Variants in ZSCAN25 observed in about 807,000 individuals in gnomAD.
ZSCAN25 encodes zinc finger and SCAN domain containing 25.
Under a neutral mutation model 38.7 loss-of-function variants are expected in ZSCAN25, and 27 were observed. The ratio of observed to expected loss-of-function variants is 0.70; its 90% CI spans 0.51 to 0.96. The LOEUF (loss-of-function observed/expected upper bound fraction) is 0.96, where lower values mean the gene tolerates loss of function less well. Ranked by LOEUF, ZSCAN25 falls within the 40% of genes least tolerant of loss-of-function variation. The probability of loss-of-function intolerance (pLI) is 0.00; values close to 1 mark genes in which losing one functional copy is unlikely to be tolerated. For synonymous variants in ZSCAN25, 273 were observed against 277.7 expected, an observed-to-expected ratio of 0.98 and a Z score of 0.17; for missense variants, 637 against 705.9, an observed-to-expected ratio of 0.90 and a Z score of 1.11.
chr7:99,701,710 T>C, the ZSCAN25 span, among the ~76,000 whole-genome samples: 22 of 152,368 alleles, frequency 1.4e-4, no homozygotes, highest in African/African-American at 5.0e-4. Context: ...TTGAGCACAT[T>C]TTCATATAAC....
At chr7:99,635,944 G>T (rs978061208), downstream of ZSCAN25, among the ~76,000 whole-genome samples, 1 of 151,634 alleles carries the variant, frequency 6.6e-6, no homozygotes, top group Non-Finnish European at 1.5e-5. Context: ...CTACTTGGGA[G>T]GCTGAGGCAG....
the ZSCAN25 span, chr7:99,713,321 T>G: frequency 7.9e-7 from 1 of 1,270,150 alleles, no homozygotes; most frequent in South Asian, 1.3e-5. Context: ...AGAAGTTGCC[T>G]CCAGCTACCA....
At chr7:99,720,002 C>A in the ZSCAN25 span, among the ~76,000 whole-genome samples, 1 of 151,482 alleles carries the variant, frequency 6.6e-6, no homozygotes, top group Non-Finnish European at 1.5e-5. Context: ...GTCCGAAAAA[C>A]AAACAACAAA....
the ZSCAN25 span, among the ~76,000 whole-genome samples, chr7:99,641,996 C>G: frequency 1.1e-4 from 17 of 152,192 alleles, no homozygotes; most frequent in Non-Finnish European, 1.9e-4. Flanking sequence ...ATAACAAAGT[C>G]CTTTCATACC....
At chr7:99,648,484 AAAAATGCTTTGCAAGCATAT>A in the ZSCAN25 span, 1 of 1,087,564 alleles carries the variant, frequency 9.2e-7, no homozygotes, top group South Asian at 1.4e-5. Context: ...AAAATATGAC[AAAAATGCTTTGCAAGCATAT>A]AAAAACGACT....
chr7:99,672,712 A>T, the ZSCAN25 span: 1 of 1,612,334 alleles, frequency 6.2e-7, no homozygotes, highest in Admixed American at 1.7e-5. Flanking sequence ...ATTAAACTTC[A>T]CTAGCCCGAT....
the ZSCAN25 span, among the ~76,000 whole-genome samples, chr7:99,710,328 G>C: frequency 6.6e-6 from 1 of 152,200 alleles, no homozygotes; most frequent in Non-Finnish European, 1.5e-5. Flanking sequence ...ATGTGGGGCA[G>C]AGCTGAGTCA....
At chr7:99,639,893 C>T in the ZSCAN25 span, among the ~76,000 whole-genome samples, 1 of 151,626 alleles carries the variant, frequency 6.6e-6, no homozygotes, top group African/African-American at 2.4e-5. Flanking sequence ...TAATGAGACC[C>T]CCATCTCTAC....
chr7:99,703,521 C>A, the ZSCAN25 span, among the ~76,000 whole-genome samples: 2 of 152,134 alleles, frequency 1.3e-5, no homozygotes, highest in Non-Finnish European at 2.9e-5. Context: ...ATCTATATAT[C>A]TATCGTATAT....
the ZSCAN25 span, among the ~76,000 whole-genome samples, chr7:99,653,450 C>CAGAT: frequency 6.9e-6 from 1 of 145,400 alleles, no homozygotes; most frequent in Admixed American, 6.9e-5. This position sits in a 1 kb window ranked among gnomAD's most constrained non-coding sequence, Gnocchi z 4.2. Context: ...GACCCTGTCT[C>CAGAT]AAATAAATAA....
chr7:99,730,972 C>G, the ZSCAN25 span: 2 of 1,533,656 alleles, frequency 1.3e-6, no homozygotes, highest in Non-Finnish European at 1.8e-6. Context: ...CTCAGACCTT[C>G]CTCTTGAGGA....
chr7:99,674,164 A>G, the ZSCAN25 span: 1 of 169,832 alleles, frequency 5.9e-6, no homozygotes, highest in African/African-American at 2.4e-5. Flanking sequence ...TTACACAAAA[A>G]TATTTCTGCA....
chr7:99,681,649 T>G, the ZSCAN25 span, among the ~76,000 whole-genome samples: 1 of 152,252 alleles, frequency 6.6e-6, no homozygotes, highest in Non-Finnish European at 1.5e-5. Context: ...ATTTTTTGAT[T>G]GGATTATTAG....
At chr7:99,661,943 G>A in the ZSCAN25 span, among the ~76,000 whole-genome samples, 2 of 152,218 alleles carry the variant, frequency 1.3e-5, no homozygotes, top group African/African-American at 4.8e-5. Flanking sequence ...TTGGCCACAT[G>A]TCCAGTACTC....
At chr7:99,717,487 T>C in the ZSCAN25 span, 3 of 1,611,090 alleles carry the variant, frequency 1.9e-6, no homozygotes, top group Non-Finnish European at 2.5e-6. Flanking sequence ...CCTGATTCAT[T>C]CTTTAAGTTT....
chr7:99,622,906 A>C (rs1807112736), intron 6 of ZSCAN25, among the ~76,000 whole-genome samples: 2 of 152,170 alleles, frequency 1.3e-5, no homozygotes. Context: ...TCCTGGGTTC[A>C]CATCATTCTC....
At chr7:99,708,960 A>G in the ZSCAN25 span, 1 of 1,507,696 alleles carries the variant, frequency 6.6e-7, no homozygotes, top group Non-Finnish European at 9.2e-7. Context: ...ACAAGCCCAG[A>G]CTGTCCTGTA....
the ZSCAN25 span, among the ~76,000 whole-genome samples, chr7:99,654,085 AT>A: frequency 3.0e-3 from 439 of 148,792 alleles, 1 homozygote; most frequent in Middle Eastern, 0.034. Flanking sequence ...AGGTTTTTGA[AT>A]TTTTTTTTTT....
the ZSCAN25 span, among the ~76,000 whole-genome samples, chr7:99,681,016 T>A: frequency 6.6e-6 from 1 of 152,236 alleles, no homozygotes; most frequent in African/African-American, 2.4e-5. Flanking sequence ...TCAGTTGTTT[T>A]GATTTGTAGA....
Sources: gnomAD v4.1 joint callset for allele counts (sites outside exome capture counted in the v4.1 genomes callset) on GRCh38, gnomAD v4.1.1 for gene constraint, Gnocchi (gnomAD v3.1) non-coding constraint, MANE v1.5 for transcripts, NCBI Gene and HGNC (gene_info 2026-07-23, HGNC 2026-07-21) for gene names.